TRAF3IP1: variants seen among roughly 807,000 people sequenced by gnomAD.
TRAF3IP1 encodes intraflagellar transport 54.
A neutral mutation model predicts 89.9 loss-of-function variants in TRAF3IP1; 53 were observed. That is an observed-to-expected ratio of 0.59 (90% CI 0.47 to 0.74). The LOEUF is 0.74. TRAF3IP1 is among the 30% of genes least tolerant of loss of function. The pLI, the probability that TRAF3IP1 is intolerant of heterozygous loss-of-function variation, is 0.00. For missense variants in TRAF3IP1, 806 were observed against 866.1 expected (o/e 0.93, Z 0.87); for synonymous variants, 311 against 322.1 (o/e 0.97, Z 0.37).
chr2:238,387,685 C>T (rs905665310), intron 15 of TRAF3IP1, among the ~76,000 whole-genome samples: 6 of 152,060 alleles, frequency 3.9e-5, no homozygotes, highest in Admixed American at 2.0e-4. Flanking sequence ...AAATGTTGTC[C>T]GTCAGTGGCA....
At chr2:238,386,461 C>T (rs558339666) in intron 15 of TRAF3IP1, among the ~76,000 whole-genome samples, 51 of 152,124 alleles carry the variant, frequency 3.4e-4, no homozygotes, top group South Asian at 6.2e-4. Flanking sequence ...TACAGGTGTG[C>T]GCCACCATGC....
intron 11 of TRAF3IP1, 27 bp downstream of exon 11, chr2:238,348,875 TCAG>T (rs761714920): frequency 1.3e-6 from 2 of 1,598,358 alleles, no homozygotes; most frequent in Non-Finnish European, 1.7e-6. Flanking sequence ...TCCCTTTCCC[TCAG>T]CAGAGTGATC....
At chr2:238,329,625 T>A (rs575624672) in intron 5 of TRAF3IP1, among the ~76,000 whole-genome samples, 1 of 152,346 alleles carries the variant, frequency 6.6e-6, no homozygotes, top group East Asian at 1.9e-4. Context: ...CTACTTCATG[T>A]CCAGGGAGAA....
rs1431558025 is a variant in TRAF3IP1, at chr2:238,379,139, G to C, written c.1690-18320G>C. ...TCTTTGGTCGTCTGTGTGTCACTGG[G>C]GGCCTGTTTTCTTGCAGTCCAAGGT... On this transcript the variant is annotated intron_variant, in intron 15 of 16. Coordinates refer to ENST00000373327, the MANE Select transcript of TRAF3IP1 (RefSeq NM_015650.4). The surrounding 1 kb of genome is among the most constrained non-coding windows in gnomAD (Gnocchi z 4.0). Among the ~76,000 whole-genome samples, 1 of 152,152 alleles carries C rather than the reference G, an allele frequency of 6.6e-6. No homozygotes were observed. The highest frequency in any genetic ancestry group is 1.5e-5 in the Non-Finnish European group (1 of 68,030).
intron 15 of TRAF3IP1, among the ~76,000 whole-genome samples, chr2:238,377,415 C>G (rs1050207753): frequency 3.3e-5 from 5 of 151,614 alleles, no homozygotes; most frequent in African/African-American, 1.2e-4. Flanking sequence ...GTTCCCCCCC[C>G]ACTGTGGGGC....
At chr2:238,340,424 G>A (rs750232517) in intron 8 of TRAF3IP1, among the ~76,000 whole-genome samples, 1 of 152,144 alleles carries the variant, frequency 6.6e-6, no homozygotes, top group African/African-American at 2.4e-5. Flanking sequence ...CGTGAGCCCT[G>A]TGCCCATAGC....
rs2106326028 is a variant in TRAF3IP1, at chr2:238,351,913, G to T, written c.1452-914G>T. On this transcript the variant is annotated intron_variant, in intron 12 of 16. Coordinates refer to ENST00000373327, the MANE Select transcript of TRAF3IP1 (RefSeq NM_015650.4). The surrounding 1 kb of genome is among the most constrained non-coding windows in gnomAD (Gnocchi z 5.2). Reference sequence around the variant, plus strand: ...CATGTGCTTGTGTGTATGCGTGTGTGTGTGTGTGTGTGTGTATGCATGTGC... The same window carrying T: ...CATGTGCTTGTGTGTATGCGTGTGTTTGTGTGTGTGTGTGTATGCATGTGC... 6.6e-6 allele frequency among the ~76,000 whole-genome samples: 1 copy of T among 151,868 alleles called. No homozygotes were observed. The highest frequency in any genetic ancestry group is 2.1e-4 in the South Asian group (1 of 4,782).
intron 5 of TRAF3IP1, among the ~76,000 whole-genome samples, chr2:238,331,909 A>G (rs1698146152): frequency 6.6e-6 from 1 of 152,216 alleles, no homozygotes; most frequent in South Asian, 2.1e-4. Flanking sequence ...TCTGTCTAGT[A>G]GAGAGGCTGA....
At chr2:238,355,799 A>G (rs1459355016) in intron 14 of TRAF3IP1, among the ~76,000 whole-genome samples, 1 of 152,216 alleles carries the variant, frequency 6.6e-6, no homozygotes, top group African/African-American at 2.4e-5. Flanking sequence ...TCCCTGAAAC[A>G]CTTTGAAATG....
chr2:238,378,509 C>G (rs1041083729), intron 15 of TRAF3IP1, among the ~76,000 whole-genome samples: 4 of 152,166 alleles, frequency 2.6e-5, no homozygotes, highest in African/African-American at 9.7e-5. Flanking sequence ...TAACCTTTGC[C>G]TGGCCATCAT....
intron 15 of TRAF3IP1, among the ~76,000 whole-genome samples, chr2:238,392,401 G>A (rs1202430679): frequency 2.0e-5 from 3 of 151,782 alleles, no homozygotes; most frequent in East Asian, 1.9e-4. Context: ...CCCCCACCTC[G>A]AACTCTTCCT....
At chr2:238,336,915 C>G (rs923588350) in intron 7 of TRAF3IP1, among the ~76,000 whole-genome samples, 1 of 151,928 alleles carries the variant, frequency 6.6e-6, no homozygotes, top group Non-Finnish European at 1.5e-5. Context: ...AGCTTTACTG[C>G]CTGGTCCTGT....
At chr2:238,377,286 T>G (rs1001018500) in intron 15 of TRAF3IP1, among the ~76,000 whole-genome samples, 11 of 130,538 alleles carry the variant, frequency 8.4e-5, no homozygotes, top group Admixed American at 2.8e-4. Flanking sequence ...CAGGCTGGAG[T>G]GCAGTGGTGC....
intron 7 of TRAF3IP1, among the ~76,000 whole-genome samples, chr2:238,336,649 T>C (rs557767061): frequency 2.6e-5 from 4 of 152,320 alleles, no homozygotes; most frequent in Non-Finnish European, 5.9e-5. Flanking sequence ...GCTGATCACT[T>C]TGACTTAATG....
At chr2:238,383,889 A>G (rs1027099841) in intron 15 of TRAF3IP1, among the ~76,000 whole-genome samples, 4 of 152,218 alleles carry the variant, frequency 2.6e-5, no homozygotes, top group Non-Finnish European at 4.4e-5. Flanking sequence ...CACTTAGTGC[A>G]GTTGTTGATA....
At chr2:238,349,758 A>G (rs1699063562) in intron 12 of TRAF3IP1, among the ~76,000 whole-genome samples, 1 of 152,228 alleles carries the variant, frequency 6.6e-6, no homozygotes, top group Admixed American at 6.5e-5. Flanking sequence ...GAAAAATTAA[A>G]AATAGAAGGT....
In TRAF3IP1 at chr2:238,352,878, T is replaced by C; in HGVS notation, c.1503T>C (p.Ser501=). 1 of 1,613,874 alleles carries C rather than the reference T, an allele frequency of 6.2e-7. No homozygotes were observed. Among genetic ancestry groups the C allele is most frequent in the Admixed American group, 1.7e-5 (1 of 59,980 alleles). ...ATGTGATTACAGAGTCACACAATTCTGACAATGAAGAGGATGATCAATTTG... is the reference window on the plus strand; with the variant it reads ...ATGTGATTACAGAGTCACACAATTCCGACAATGAAGAGGATGATCAATTTG... ...VSNVITESHN[S]DNEEDDQFVV... The change falls in exon 13 of 17, where the codon TCT becomes TCC. Residue 501 remains serine (S), a synonymous_variant. Transcript: ENST00000373327.
At chr2:238,359,380 C>T (rs747163672) in intron 15 of TRAF3IP1, among the ~76,000 whole-genome samples, 64 of 152,176 alleles carry the variant, frequency 4.2e-4, no homozygotes, top group Non-Finnish European at 9.0e-4. Flanking sequence ...ACGCCCCAAC[C>T]CCAGCAGCCA....
At position 238,325,844 on chromosome 2, in the gene TRAF3IP1, C is replaced by T; in HGVS notation, c.228C>T (p.Ala76=). The change falls in exon 3 of 17, where the codon GCC becomes GCT. Residue 76 remains alanine (A), a synonymous_variant. Transcript: ENST00000373327. ...CAAAAATTAGCTTCCTACAAAAGGCCATAGACGTGGTTGTAATGGTGTCGG... is the reference window on the plus strand; with the variant it reads ...CAAAAATTAGCTTCCTACAAAAGGCTATAGACGTGGTTGTAATGGTGTCGG... The part of the protein sequence containing the change: ...KDAKISFLQK[A]IDVVVMVSGE... 4 of 1,614,032 alleles carry T rather than the reference C, an allele frequency of 2.5e-6. No individual in the cohort carries two copies. The highest frequency in any genetic ancestry group is 3.4e-6 in the Non-Finnish European group (4 of 1,180,008).
Sources: allele counts gnomAD v4.1 joint callset (sites outside exome capture counted in the v4.1 genomes callset), GRCh38; gene constraint gnomAD v4.1.1; non-coding constraint Gnocchi (gnomAD v3.1); transcripts MANE v1.5; gene names NCBI Gene and HGNC (gene_info 2026-07-23, HGNC 2026-07-21).